The following SCAPER variants were observed in gnomAD, a reference collection of about 807,000 sequenced individuals.
SCAPER encodes S phase cyclin A-associated protein in the endoplasmic reticulum.
SCAPER carries 98 observed loss-of-function variants against 182.2 expected under a neutral mutation model. The observed-to-expected ratio is 0.54, with a 90% confidence interval of 0.46 to 0.64. The LOEUF (loss-of-function observed/expected upper bound fraction) is 0.64. Ranked by LOEUF, SCAPER falls within the 30% of genes least tolerant of loss-of-function variation. The pLI is 0.00. For synonymous variants in SCAPER, 605 were observed against 564.6 expected, an observed-to-expected ratio of 1.07 and a Z score of -1.01; for missense variants, 1,432 against 1,690.0, an observed-to-expected ratio of 0.85 and a Z score of 2.68.
chr15:76,609,477 A>T (rs1268155891), intron 22 of SCAPER, among the ~76,000 whole-genome samples: 1 of 152,026 alleles, frequency 6.6e-6, no homozygotes. Flanking sequence ...ACAGAATGAG[A>T]CCTTTGATTA....
chr15:76,861,798 G>A (rs1047004098), intron 3 of SCAPER: 7 of 152,160 alleles, frequency 4.6e-5, no homozygotes, highest in Admixed American at 1.3e-4. Flanking sequence ...ATAAAGAACT[G>A]TCTGAAACCA....
At chr15:76,592,424 G>C (rs1187339429) in intron 22 of SCAPER, among the ~76,000 whole-genome samples, 1 of 121,848 alleles carries the variant, frequency 8.2e-6, no homozygotes, top group African/African-American at 2.5e-5. Flanking sequence ...ATAGACAGTT[G>C]AATAAGTGAG....
chr15:76,741,198 C>A (rs551149177), intron 15 of SCAPER, among the ~76,000 whole-genome samples: 2 of 152,170 alleles, frequency 1.3e-5, no homozygotes, highest in South Asian at 4.1e-4. Flanking sequence ...TAAGATTATC[C>A]ATTCATGCAA....
intron 25 of SCAPER, among the ~76,000 whole-genome samples, chr15:76,435,191 A>G (rs2047117232): frequency 6.6e-6 from 1 of 152,224 alleles, no homozygotes; most frequent in Non-Finnish European, 1.5e-5. Flanking sequence ...AGGAAATGTC[A>G]TCCTATCATG....
intron 4 of SCAPER, among the ~76,000 whole-genome samples, chr15:76,853,149 G>A (rs2070940942): frequency 6.6e-6 from 1 of 151,966 alleles, no homozygotes; most frequent in Non-Finnish European, 1.5e-5. Context: ...TTCTCTAAAT[G>A]GACCAACAAT....
At chr15:76,724,466 T>C (rs1383000859) in intron 17 of SCAPER, among the ~76,000 whole-genome samples, 2 of 152,180 alleles carry the variant, frequency 1.3e-5, no homozygotes, top group Admixed American at 6.5e-5. Flanking sequence ...AATTTGAATG[T>C]TGGCCTGCCT....
chr15:76,417,954 G>A (rs954127063), intron 26 of SCAPER, among the ~76,000 whole-genome samples: 1 of 151,994 alleles, frequency 6.6e-6, no homozygotes, highest in African/African-American at 2.4e-5. Flanking sequence ...GGAGGCGGAG[G>A]GTTCAGCGAG....
At chr15:76,640,076 A>G (rs2053977713) in intron 21 of SCAPER, among the ~76,000 whole-genome samples, 1 of 152,210 alleles carries the variant, frequency 6.6e-6, no homozygotes. Flanking sequence ...TTTTATATTA[A>G]TTGCAATAAT....
intron 17 of SCAPER, among the ~76,000 whole-genome samples, chr15:76,706,955 A>G (rs1054253972): frequency 2.6e-5 from 4 of 152,112 alleles, no homozygotes; most frequent in Admixed American, 2.0e-4. Context: ...TAAAGAAATA[A>G]TTATAAGACT....
Position 76,870,916 on chromosome 15 carries a change from T to C in SCAPER, c.7-8383A>G, listed in dbSNP as rs112071866. Among the ~76,000 whole-genome samples the C allele has an allele frequency of 9.7e-3, 1,467 of 151,882 alleles. 10 individuals are homozygous for C. Among genetic ancestry groups the C allele is most frequent in the Middle Eastern group, 0.034 (10 of 294 alleles). ...AAAGGTAAAATAAAAAGACAAACGA[T>C]AGACATATTAGGGTTAAAAAGTACC... is the stretch of plus-strand genomic sequence containing the variant. On this transcript the variant is annotated intron_variant, in intron 2 of 31. Transcript: ENST00000563290.
intron 6 of SCAPER, 24 bp from the exon 7 acceptor site, chr15:76,800,388 G>A: frequency 3.6e-6 from 5 of 1,397,584 alleles, no homozygotes; most frequent in South Asian, 1.2e-5. Flanking sequence ...ATATAAACCA[G>A]ATTAAATTAA....
intron 21 of SCAPER, among the ~76,000 whole-genome samples, chr15:76,623,038 CTGTA>C (rs1386240096): frequency 6.6e-6 from 1 of 152,278 alleles, no homozygotes; most frequent in East Asian, 1.9e-4. Context: ...TCTTGGCTGA[CTGTA>C]TGTCTTCTTT....
intron 5 of SCAPER, among the ~76,000 whole-genome samples, chr15:76,831,767 T>G (rs915163916): frequency 1.3e-5 from 2 of 152,052 alleles, no homozygotes; most frequent in African/African-American, 4.8e-5. Context: ...TGGGAGTACC[T>G]CGGTCCCTCA....
intron 14 of SCAPER, among the ~76,000 whole-genome samples, chr15:76,757,693 T>A (rs1297988912): frequency 2.0e-5 from 3 of 152,182 alleles, no homozygotes; most frequent in African/African-American, 7.2e-5. Context: ...TATTGCTTAC[T>A]ATAATGGTTA....
intron 4 of SCAPER, 148 bp from the exon 5 acceptor site, chr15:76,842,079 C>A: frequency 1.5e-6 from 1 of 652,118 alleles, no homozygotes; most frequent in South Asian, 2.0e-5. Flanking sequence ...TTTTTCCTAT[C>A]ATTATTCTCT....
At chr15:76,529,292 C>T (rs1027896742) in intron 23 of SCAPER, among the ~76,000 whole-genome samples, 5 of 152,148 alleles carry the variant, frequency 3.3e-5, no homozygotes, top group East Asian at 1.9e-4. Flanking sequence ...GTGATCCACC[C>T]GCCTAAGCCT....
chr15:76,674,959 C>T (rs1203990503), intron 20 of SCAPER, among the ~76,000 whole-genome samples: 1 of 152,138 alleles, frequency 6.6e-6, no homozygotes, highest in Non-Finnish European at 1.5e-5. Context: ...GCATGTGTTA[C>T]TTTCGGAAGC....
chr15:76,374,071 C>T (rs1173843409), intron 29 of SCAPER, among the ~76,000 whole-genome samples: 10 of 137,016 alleles, frequency 7.3e-5, no homozygotes, highest in South Asian at 2.5e-4. Context: ...GATTTGCCTA[C>T]AATAAAAATT....
chr15:76,725,966 G>C (rs2060562621), intron 17 of SCAPER, among the ~76,000 whole-genome samples: 1 of 149,678 alleles, frequency 6.7e-6, no homozygotes, highest in African/African-American at 2.4e-5. Context: ...AAAAGTAAAG[G>C]CAACAAAAAC....
Sources: gnomAD v4.1 joint callset for allele counts (sites outside exome capture counted in the v4.1 genomes callset) on GRCh38, gnomAD v4.1.1 for gene constraint, MANE v1.5 for transcripts, NCBI Gene and HGNC (gene_info 2026-07-23, HGNC 2026-07-21) for gene names.